The following ESR1 variants were observed in gnomAD, a reference collection of about 807,000 sequenced individuals.
ESR1 encodes the protein estrogen receptor 1.
Under a neutral mutation model 52.7 loss-of-function variants are expected in ESR1, and 12 were observed. That is an observed-to-expected ratio of 0.23 (90% CI 0.15 to 0.37). ESR1 has a LOEUF of 0.37. Ranked by LOEUF, ESR1 falls within the 10% of genes least tolerant of loss-of-function variation. The probability of loss-of-function intolerance (pLI) is 1.00; values close to 1 mark genes in which losing one functional copy is unlikely to be tolerated. For missense variants in ESR1, 584 were observed against 779.7 expected (o/e 0.75, Z 2.99); for synonymous variants, 305 against 316.8 (o/e 0.96, Z 0.39).
intron 3 of ESR1, among the ~76,000 whole-genome samples, chr6:151,941,170 C>T (rs1174969706): frequency 6.6e-6 from 1 of 152,150 alleles, no homozygotes; most frequent in Non-Finnish European, 1.5e-5. Context: ...CTCTTGATTT[C>T]ACCTTAGGAA....
At chr6:151,851,850 A>G (rs1001339274) in intron 2 of ESR1, among the ~76,000 whole-genome samples, 3 of 152,080 alleles carry the variant, frequency 2.0e-5, no homozygotes, top group African/African-American at 7.2e-5. Context: ...TTTAATGCAG[A>G]TTAATCTGGC....
chr6:151,944,956 C>T (rs961281772), intron 4 of ESR1, among the ~76,000 whole-genome samples: 4 of 152,152 alleles, frequency 2.6e-5, no homozygotes, highest in African/African-American at 9.7e-5. Context: ...TGGCTCGTGC[C>T]TGTAATCCTA....
At chr6:152,075,783 A>G (rs2048690391) in intron 6 of ESR1, among the ~76,000 whole-genome samples, 3 of 152,194 alleles carry the variant, frequency 2.0e-5, no homozygotes, top group African/African-American at 7.2e-5. Context: ...GGACATGTGC[A>G]TATTGGCCAA....
At chr6:151,854,113 A>T (rs1787394931) in intron 2 of ESR1, among the ~76,000 whole-genome samples, 6 of 152,202 alleles carry the variant, frequency 3.9e-5, no homozygotes, top group Admixed American at 3.9e-4. Context: ...TCTGATACTC[A>T]TTCAGAGAAA....
chr6:151,889,758 ATCT>A (rs1374437307), intron 3 of ESR1, among the ~76,000 whole-genome samples: 15 of 151,912 alleles, frequency 9.9e-5, no homozygotes, highest in African/African-American at 3.1e-4. Flanking sequence ...ATTGTTTGAG[ATCT>A]TCTTCTTTGA....
intron 5 of ESR1, among the ~76,000 whole-genome samples, chr6:152,033,187 C>T (rs2044900325): frequency 6.6e-6 from 1 of 151,904 alleles, no homozygotes; most frequent in African/African-American, 2.4e-5. Context: ...CCATAAAAAC[C>T]CTAGAAGAAA....
chr6:151,955,585 A>G (rs930524545), intron 4 of ESR1, among the ~76,000 whole-genome samples: 3 of 152,214 alleles, frequency 2.0e-5, no homozygotes, highest in Non-Finnish European at 2.9e-5. Context: ...CAATAAGCCA[A>G]TGAAGTAAGG....
At chr6:152,127,783 A>G (rs2152622000) in exon 7 of ESR1, 1 of 152,324 alleles carries the variant, frequency 6.6e-6, no homozygotes, top group South Asian at 2.1e-4. Flanking sequence ...AACAAATTCT[A>G]CAAGAAACTG....
At chr6:152,071,405 G>A (rs1030101437) in intron 6 of ESR1, among the ~76,000 whole-genome samples, 5 of 152,058 alleles carry the variant, frequency 3.3e-5, no homozygotes, top group African/African-American at 4.8e-5. Flanking sequence ...GGTTAAGAAC[G>A]AGGGACTTTG....
chr6:151,701,991 T>C (rs1350420901), exon 2 of ESR1: 1 of 152,236 alleles, frequency 6.6e-6, no homozygotes, highest in Non-Finnish European at 1.5e-5. Flanking sequence ...ATCTGAACTT[T>C]GAACCATCAC....
intron 6 of ESR1, among the ~76,000 whole-genome samples, chr6:152,086,206 A>G (rs922469511): frequency 1.3e-5 from 2 of 152,100 alleles, no homozygotes; most frequent in African/African-American, 4.8e-5. Context: ...GAAGATAGTA[A>G]CTGACTGTGG....
At chr6:151,951,402 G>C (rs972613814) in intron 4 of ESR1, among the ~76,000 whole-genome samples, 1 of 152,040 alleles carries the variant, frequency 6.6e-6, no homozygotes, top group Non-Finnish European at 1.5e-5. Context: ...TGGCCTACTC[G>C]TTTGATTATT....
chr6:151,793,645 G>T (rs751321119), intron 2 of ESR1, among the ~76,000 whole-genome samples: 2 of 152,158 alleles, frequency 1.3e-5, no homozygotes, highest in African/African-American at 2.4e-5. Context: ...AATGTCAGGA[G>T]GCAATAGGAA....
intron 1 of ESR1, among the ~76,000 whole-genome samples, chr6:151,840,810 C>G (rs982103143): frequency 6.6e-6 from 1 of 152,200 alleles, no homozygotes; most frequent in Non-Finnish European, 1.5e-5. Context: ...TTCACTCCAT[C>G]TATACTTTCA....
chr6:152,042,206 CAG>C (rs1456679637), intron 5 of ESR1, among the ~76,000 whole-genome samples: 1 of 152,158 alleles, frequency 6.6e-6, no homozygotes, highest in Non-Finnish European at 1.5e-5. Context: ...CCCTACCAGT[CAG>C]GGAGCCAATG....
At chr6:151,819,862 T>C (rs1249166283) in intron 1 of ESR1, among the ~76,000 whole-genome samples, 1 of 152,168 alleles carries the variant, frequency 6.6e-6, no homozygotes, top group Non-Finnish European at 1.5e-5. Context: ...TAAGGCATAT[T>C]AGAGTAATTT....
chr6:151,787,291 T>C (rs761340111), intron 2 of ESR1, among the ~76,000 whole-genome samples: 3 of 152,228 alleles, frequency 2.0e-5, no homozygotes, highest in Non-Finnish European at 4.4e-5. Context: ...CTTCCAGCTT[T>C]GTTCTTTTTG....
intron 3 of ESR1, among the ~76,000 whole-genome samples, chr6:151,909,841 C>T (rs2128431443): frequency 6.6e-6 from 1 of 152,164 alleles, no homozygotes; most frequent in South Asian, 2.1e-4. Flanking sequence ...TGTCTTTGGG[C>T]AGACTGAATT....
chr6:152,090,420 T>A (rs569707181), intron 6 of ESR1, among the ~76,000 whole-genome samples: 19 of 152,334 alleles, frequency 1.2e-4, no homozygotes, highest in African/African-American at 4.3e-4. Context: ...AGATAGAAAA[T>A]CTGGCCTGGC....
Sources: allele counts gnomAD v4.1 joint callset (sites outside exome capture counted in the v4.1 genomes callset), GRCh38; gene constraint gnomAD v4.1.1; transcripts MANE v1.5; gene names NCBI Gene and HGNC (gene_info 2026-07-23, HGNC 2026-07-21).